RALGDS: variants seen among roughly 807,000 people sequenced by gnomAD.
The protein encoded by RALGDS is ral guanine nucleotide dissociation stimulator.
A neutral mutation model predicts 99.8 loss-of-function variants in RALGDS; 44 were observed. That is an observed-to-expected ratio of 0.44 (90% CI 0.35 to 0.57). RALGDS has a LOEUF of 0.57. RALGDS is among the 20% of genes least tolerant of loss of function. RALGDS has a pLI of 0.01. For synonymous variants in RALGDS, 529 were observed against 505.0 expected (o/e 1.05, Z -0.64); for missense variants, 1,022 against 1,203.1 (o/e 0.85, Z 2.23).
chr9:133,143,768 T>TAACAACAACAACAACAACAAC (rs1417707331), intron 1 of RALGDS, among the ~76,000 whole-genome samples: 1 of 102,442 alleles, frequency 9.8e-6, no homozygotes, highest in Non-Finnish European at 1.8e-5. Flanking sequence ...ATAATAATAA[T>TAACAACAACAACAACAACAAC]AATAACAACA....
chr9:133,137,325 C>A (rs1261306987), intron 1 of RALGDS, among the ~76,000 whole-genome samples: 1 of 152,246 alleles, frequency 6.6e-6, no homozygotes, highest in Non-Finnish European at 1.5e-5. Flanking sequence ...GGACTCTGTT[C>A]CCCAGGGTCC....
Position 133,098,561 on chromosome 9 carries a change from G to A in RALGDS, c.*26C>T, listed in dbSNP as rs1312676087. On this transcript the variant is annotated 3_prime_UTR_variant, in exon 18 of 18. Coordinates refer to ENST00000372050, the MANE Select transcript of RALGDS (RefSeq NM_006266.4). ...CTGGTCCATAAGTGCTTGGCTACCA[G>A]CCAGCCAGACCCTGGGAGGATGCCC... is the stretch of plus-strand genomic sequence containing the variant. The A allele has an allele frequency of 3.7e-6, 6 of 1,612,894 alleles. No individual in the cohort carries two copies.
At chr9:133,112,462 G>A (rs537479237) in intron 1 of RALGDS, among the ~76,000 whole-genome samples, 1 of 152,224 alleles carries the variant, frequency 6.6e-6, no homozygotes, top group East Asian at 1.9e-4. Flanking sequence ...TCCACACAGG[G>A]GACTGTTATT....
At position 133,098,263 on chromosome 9, in the gene RALGDS, A is replaced by G. The variant is rs1830591173; in HGVS notation, c.*324T>C. On this transcript the variant is annotated 3_prime_UTR_variant, in exon 18 of 18. Transcript: ENST00000372050. Reference sequence around the variant, plus strand: ...CAGGTGGCAGTGACCCACACCTGGGAAGGTGTCAGGGAAGTGTACAGAGGT... The same window carrying G: ...CAGGTGGCAGTGACCCACACCTGGGGAGGTGTCAGGGAAGTGTACAGAGGT... 1 of 442,720 alleles carries G rather than the reference A, an allele frequency of 2.3e-6. No homozygotes were observed. The highest frequency in any genetic ancestry group is 4.2e-6 in the Non-Finnish European group (1 of 237,426). The allele number at this position is 442,720 out of a possible 1,614,324, so 27.4% of individuals were successfully genotyped here. A position where few individuals can be genotyped will look rare whatever the true frequency, so the allele number is the denominator to read the frequency against.
Position 133,144,025 on chromosome 9 carries a change from C to G in RALGDS, c.18+4938G>C, listed in dbSNP as rs113465642. Among the ~76,000 whole-genome samples, 1 of 152,174 alleles carries G rather than the reference C, an allele frequency of 6.6e-6. No individual in the cohort carries two copies. The highest frequency in any genetic ancestry group is 1.5e-5 in the Non-Finnish European group (1 of 68,000). On this transcript the variant is annotated intron_variant, in intron 1 of 17. Transcript: ENST00000393160. This position sits in a 1 kb window ranked among gnomAD's most constrained non-coding sequence, Gnocchi z 4.5. ...CCCACCAGGAGCAGCAGGACCACCT[C>G]AGGCATCCCAGCTCCCCTGAGGCAG... is the stretch of plus-strand genomic sequence containing the variant.
At chr9:133,121,977 C>T (rs553198671), upstream of RALGDS, among the ~76,000 whole-genome samples, 18 of 152,206 alleles carry the variant, frequency 1.2e-4, no homozygotes, top group Non-Finnish European at 2.4e-4. Context: ...TACAGACACC[C>T]TCAGAGGAGG....
intron 1 of RALGDS, among the ~76,000 whole-genome samples, chr9:133,114,589 G>A (rs867444254): frequency 6.6e-6 from 1 of 152,238 alleles, no homozygotes; most frequent in Admixed American, 6.5e-5. Flanking sequence ...TCTGGGCAGC[G>A]CCTGGGCCCC....
rs907378604 is a variant in RALGDS at position 133,098,079 on chromosome 9, T to C, written c.*508A>G. 1.3e-4 allele frequency: 35 copies of C among 262,244 alleles called. No homozygotes were observed. Among genetic ancestry groups the C allele is most frequent in the African/African-American group, 7.2e-4 (33 of 46,122 alleles). 16.2% of individuals were successfully genotyped at this position (262,244 alleles called of 1,614,324 possible). On this transcript the variant is annotated 3_prime_UTR_variant, in exon 18 of 18. Coordinates refer to ENST00000372050, the MANE Select transcript of RALGDS (RefSeq NM_006266.4). ...GGGGTAAGCGGTGGGTGAGACTCCC[T>C]CACTCTCAGTTGGCCCTGATGATGG...
At chr9:133,123,831 GACAC>G (rs56357571), upstream of RALGDS, among the ~76,000 whole-genome samples, 27 of 20,548 alleles carry the variant, frequency 1.3e-3, 3 homozygotes, top group South Asian at 2.7e-3. Flanking sequence ...CAGAGACACA[GACAC>G]ACACACACAC....
intron 16 of RALGDS, chr9:133,101,094 T>C: frequency 8.9e-7 from 1 of 1,125,960 alleles, no homozygotes; most frequent in Non-Finnish European, 1.1e-6. Context: ...GCTGGCCCCT[T>C]CCAGGGCTCC....
intron 1 of RALGDS, among the ~76,000 whole-genome samples, chr9:133,137,053 G>A (rs569987468): frequency 1.3e-5 from 2 of 152,232 alleles, no homozygotes; most frequent in African/African-American, 2.4e-5. Context: ...TGGCCAACAC[G>A]GTAAAACCCC....
chr9:133,110,495 G>T lies in RALGDS; in HGVS notation c.295-6C>A. On this transcript the variant is annotated splice_region_variant and splice_polypyrimidine_tract_variant and intron_variant, in intron 2 of 17. Transcript: ENST00000372050. The stretch of plus-strand genomic sequence containing the variant: ...AGGGCCGACTCATTCTCATACTGGG[G>T]TGGGACAGAGGAGGGACAGACAGTC... 6.2e-7 allele frequency: 1 copy of T among 1,608,718 alleles called. No individual in the cohort carries two copies. The highest frequency in any genetic ancestry group is 1.3e-5 in the African/African-American group (1 of 75,000).
At chr9:133,101,389 G>A (rs1448599106) in intron 16 of RALGDS, 131 bp downstream of exon 16, 1 of 1,562,986 alleles carries the variant, frequency 6.4e-7, no homozygotes, top group South Asian at 1.1e-5. Flanking sequence ...CTTCATTTCT[G>A]TACCTGGCTG....
intron 9 of RALGDS, among the ~76,000 whole-genome samples, chr9:133,105,084 C>T (rs758729902): frequency 3.3e-5 from 5 of 152,156 alleles, no homozygotes; most frequent in Admixed American, 6.5e-5. Flanking sequence ...ATCAGGGTAC[C>T]GTCCTCTGGG....
At chr9:133,102,937 C>T (rs752822341) in intron 12 of RALGDS, 37 bp from the exon 13 acceptor site, 2 of 1,610,404 alleles carry the variant, frequency 1.2e-6, no homozygotes, top group African/African-American at 1.3e-5. Context: ...GTGACAAGGC[C>T]CCCCGGGCAG....
intron 1 of RALGDS, among the ~76,000 whole-genome samples, chr9:133,116,807 C>T (rs749811802): frequency 3.3e-5 from 5 of 152,268 alleles, no homozygotes; most frequent in African/African-American, 4.8e-5. Flanking sequence ...GACGTGGCAG[C>T]CAGAACAGGG....
chr9:133,108,029 G>A lies in RALGDS; in HGVS notation c.1156C>T (p.Pro386Ser). ...AACTGCTCTGCCACCAGATCTGGAG[G>A]GAACACCAAGAGGTGAGGCTTCTCC... The part of the protein sequence containing the change: ...SEEKPHLLVF[P>S]PDLVAEQFTL... The change falls in exon 6 of 18, where the codon CCT (proline) becomes TCT (serine). Residue 386 changes from proline (P) to serine (S), a missense_variant. By Grantham distance (74) the Pro-to-Ser change is moderately conservative. This residue lies in a region of RALGDS where 825 missense variants were observed against 994.5 expected (regional missense o/e 0.83). Transcript: ENST00000372050. The A allele has an allele frequency of 6.2e-7, 1 of 1,613,482 alleles. No homozygotes were observed. Among genetic ancestry groups the A allele is most frequent in the Non-Finnish European group, 8.5e-7 (1 of 1,180,034 alleles).
intron 1 of RALGDS, among the ~76,000 whole-genome samples, chr9:133,114,869 T>C (rs902693368): frequency 6.6e-6 from 1 of 152,150 alleles, no homozygotes; most frequent in Non-Finnish European, 1.5e-5. Context: ...CTTCTAACAT[T>C]TGGGTCAGTG....
At chr9:133,132,933 G>A (rs1832366547), upstream of RALGDS, among the ~76,000 whole-genome samples, 1 of 152,204 alleles carries the variant, frequency 6.6e-6, no homozygotes, top group African/African-American at 2.4e-5. Flanking sequence ...CACCGTGCCT[G>A]GCCAGAAGCG....
Sources: gnomAD v4.1 joint callset for allele counts (sites outside exome capture counted in the v4.1 genomes callset) on GRCh38, gnomAD v4.1.1 for gene constraint, gnomAD v4.1.1 regional missense constraint, Gnocchi (gnomAD v3.1) non-coding constraint, MANE v1.5 for transcripts, NCBI Gene and HGNC (gene_info 2026-07-23, HGNC 2026-07-21) for gene names.